SS18: variants seen among roughly 807,000 people sequenced by gnomAD.
The protein encoded by SS18 is SS18 subunit of BAF chromatin remodeling complex, also known as protein SSXT.
In SS18, 28 loss-of-function variants were observed where a neutral mutation model predicts 72.5. The ratio of observed to expected loss-of-function variants is 0.39; its 90% CI spans 0.29 to 0.53. SS18 has a LOEUF of 0.53. Among genes scored for constraint, SS18 ranks in the 20% least tolerant of loss-of-function variants. The probability of loss-of-function intolerance (pLI) is 0.76; values close to 1 mark genes in which losing one functional copy is unlikely to be tolerated. For missense variants in SS18, 518 were observed against 535.3 expected (o/e 0.97, Z 0.32); for synonymous variants, 172 against 164.2 (o/e 1.05, Z -0.37).
At chr18:26,080,408 T>G in intron 2 of SS18, 1 of 985,384 alleles carries the variant, frequency 1.0e-6, no homozygotes, top group Non-Finnish European at 1.2e-6. Flanking sequence ...CTAACAGATG[T>G]GGTTTATTCA....
chr18:26,061,137 C>T (rs1004105924), intron 3 of SS18, among the ~76,000 whole-genome samples: 1 of 152,116 alleles, frequency 6.6e-6, no homozygotes, highest in Non-Finnish European at 1.5e-5. Context: ...CACGGTGAAA[C>T]CCTGTCTCTA....
At chr18:26,034,913 C>A in intron 9 of SS18, 92 bp downstream of exon 9, 2 of 1,463,794 alleles carry the variant, frequency 1.4e-6, no homozygotes, top group Non-Finnish European at 9.1e-7. Flanking sequence ...AGTGATAATT[C>A]TTGTAAAAAT....
At chr18:26,024,400 C>T (rs1046220305) in intron 10 of SS18, among the ~76,000 whole-genome samples, 1 of 152,170 alleles carries the variant, frequency 6.6e-6, no homozygotes, top group African/African-American at 2.4e-5. Context: ...TCACAACTTA[C>T]TGCAGCCTCG....
chr18:26,090,703 G>T, upstream of SS18: 1 of 918,380 alleles, frequency 1.1e-6, no homozygotes, highest in East Asian at 2.7e-5. Flanking sequence ...CCAAGCGGAC[G>T]GGCGGCGGGG....
At chr18:26,026,399 A>G (rs969428033) in intron 10 of SS18, among the ~76,000 whole-genome samples, 4 of 152,340 alleles carry the variant, frequency 2.6e-5, no homozygotes, top group South Asian at 4.1e-4. Flanking sequence ...AAGGAAAACC[A>G]TAATTCCCTC....
intron 7 of SS18, among the ~76,000 whole-genome samples, chr18:26,037,216 T>C (rs1220715654): frequency 2.6e-5 from 4 of 152,072 alleles, no homozygotes; most frequent in African/African-American, 9.7e-5. Context: ...CCTTAATGTT[T>C]TGATATTTAC....
At chr18:26,070,751 T>C (rs979248182) in intron 3 of SS18, among the ~76,000 whole-genome samples, 3 of 152,208 alleles carry the variant, frequency 2.0e-5, no homozygotes, top group African/African-American at 4.8e-5. Context: ...GTTAAACTTA[T>C]ATATAATTAT....
In SS18 at chr18:26,035,451, G is replaced by A. The variant is rs1032416245; in HGVS notation, c.974-324C>T. On this transcript the variant is annotated intron_variant, in intron 8 of 10. Coordinates refer to ENST00000415083, the MANE Select transcript of SS18 (RefSeq NM_001007559.3). The surrounding 1 kb of genome is among the most constrained non-coding windows in gnomAD (Gnocchi z 4.4). ...AAGACAAAATTAAAGACAGCTACAA[G>A]AGCACACACTAGCTACACGAGATCA... 3.1e-6 allele frequency: 1 copy of A among 317,714 alleles called. No homozygotes were observed. Among genetic ancestry groups the A allele is most frequent in the African/African-American group, 2.1e-5 (1 of 47,476 alleles). 19.7% of individuals were successfully genotyped at this position (317,714 alleles called of 1,614,324 possible). A position where few individuals can be genotyped will look rare whatever the true frequency, so the allele number is the denominator to read the frequency against.
chr18:26,034,443 T>C (rs1051837369), intron 9 of SS18, among the ~76,000 whole-genome samples: 1 of 152,152 alleles, frequency 6.6e-6, no homozygotes, highest in African/African-American at 2.4e-5. Flanking sequence ...TAAGTGAGTA[T>C]ATAATAGGAA....
chr18:26,052,642 T>C lies in SS18; in HGVS notation c.589A>G (p.Ser197Gly). ...TAGTTACCTTGGTTTGGCTGCATAC[T>C]CATATTTGGTCTGGGACCATAGTTT... ...MGNYGPRPNM[S>G]MQPNQGPMMH... Residue 197 changes from serine (S) to glycine (G), a missense_variant, in exon 5 of 11, where the codon AGT becomes GGT. By Grantham distance (56) the Ser-to-Gly change is moderately conservative (BLOSUM62 0). Coordinates refer to ENST00000415083, the MANE Select transcript of SS18 (RefSeq NM_001007559.3). The C allele has an allele frequency of 6.2e-7, 1 of 1,614,018 alleles. No individual in the cohort carries two copies. The highest frequency in any genetic ancestry group is 2.2e-5 in the East Asian group (1 of 44,878).
chr18:26,039,776 T>C (rs531949912), intron 5 of SS18, among the ~76,000 whole-genome samples: 5 of 152,266 alleles, frequency 3.3e-5, no homozygotes, highest in African/African-American at 1.2e-4. Flanking sequence ...CTATCTAATA[T>C]TTATCTATAC....
chr18:26,060,238 C>T (rs941187932), intron 3 of SS18, among the ~76,000 whole-genome samples: 2 of 152,156 alleles, frequency 1.3e-5, no homozygotes, highest in Admixed American at 6.5e-5. Flanking sequence ...CTTATACATG[C>T]TACAACATGG....
chr18:26,032,472 T>A lies in SS18; in HGVS notation c.1157A>T (p.Gln386Leu). ...CTGTGTTGGTCTATATCCTCCATAC[T>A]GCTGACCTTGTCCCTGTGGGTAGTT... Reference protein sequence around the residue: ...YPNYPQGQGQQYGGYRPTQPG... With the variant: ...YPNYPQGQGQLYGGYRPTQPG... Residue 386 changes from glutamine (Q) to leucine (L), a missense_variant, in exon 10 of 11, where the codon CAG becomes CTG. By Grantham distance (113) the Gln-to-Leu change is moderately radical. Transcript: ENST00000415083. 1 of 1,613,948 alleles carries A rather than the reference T, an allele frequency of 6.2e-7. No homozygotes were observed. Among genetic ancestry groups the A allele is most frequent in the South Asian group, 1.1e-5 (1 of 91,070 alleles).
At chr18:26,056,826 C>G (rs1456371592) in intron 4 of SS18, among the ~76,000 whole-genome samples, 2 of 152,104 alleles carry the variant, frequency 1.3e-5, no homozygotes, top group East Asian at 3.8e-4. Context: ...CCAAAAATTA[C>G]GGCCATGGGT....
At chr18:26,041,431 C>G (rs2053721344) in intron 5 of SS18, among the ~76,000 whole-genome samples, 1 of 147,466 alleles carries the variant, frequency 6.8e-6, no homozygotes, top group Admixed American at 6.6e-5. Flanking sequence ...CCTCAAAAAC[C>G]AAAACAAAAC....
chr18:26,060,597 A>T (rs2054101394), intron 3 of SS18, among the ~76,000 whole-genome samples: 10 of 151,698 alleles, frequency 6.6e-5, no homozygotes, highest in Admixed American at 6.6e-4. Context: ...GAGAAATAAC[A>T]GAAAATTTAA....
At chr18:26,065,666 T>C (rs2054199047) in intron 3 of SS18, among the ~76,000 whole-genome samples, 1 of 151,412 alleles carries the variant, frequency 6.6e-6, no homozygotes, top group Admixed American at 6.6e-5. Context: ...AAGTTGGACT[T>C]CATTTAAATT....
Position 26,082,141 on chromosome 18 carries a change from TTTAG to T in SS18, c.147-3985_147-3982del, listed in dbSNP as rs766064040. ...AAGCTAAGGGCTGTTATAAAATATA[TTTAG>T]TATTTTATTTTTGATGATGGTACTG... On this transcript the variant is annotated intron_variant, in intron 2 of 10. Transcript: ENST00000415083. Among the ~76,000 whole-genome samples, 3 of 152,196 alleles carry T rather than the reference TTTAG, an allele frequency of 2.0e-5. No individual in the cohort carries two copies. The East Asian group carries it at 5.8e-4, about 29-fold the overall frequency.
chr18:26,076,834 A>G (rs1460591072), intron 3 of SS18, among the ~76,000 whole-genome samples: 2 of 151,988 alleles, frequency 1.3e-5, no homozygotes, highest in Non-Finnish European at 2.9e-5. Flanking sequence ...TTAAAAATCC[A>G]AAAATGTATT....
Sources: allele counts gnomAD v4.1 joint callset (sites outside exome capture counted in the v4.1 genomes callset), GRCh38; gene constraint gnomAD v4.1.1; non-coding constraint Gnocchi (gnomAD v3.1); transcripts MANE v1.5; gene names NCBI Gene and HGNC (gene_info 2026-07-23, HGNC 2026-07-21).